The following ZNF521 variants were observed in gnomAD, a reference collection of about 807,000 sequenced individuals.
ZNF521 encodes LYST-interacting protein 3.
In ZNF521, 14 loss-of-function variants were observed where a neutral mutation model predicts 105.5. That is an observed-to-expected ratio of 0.13 (90% CI 0.09 to 0.21). The LOEUF is 0.21. Among genes scored for constraint, ZNF521 ranks in the 10% least tolerant of loss-of-function variants. The pLI is 1.00. For synonymous variants in ZNF521, 635 were observed against 606.0 expected (o/e 1.05, Z -0.70); for missense variants, 1,233 against 1,629.7 (o/e 0.76, Z 4.19).
At chr18:25,235,667 T>C (rs1906838699) in intron 3 of ZNF521, among the ~76,000 whole-genome samples, 1 of 152,238 alleles carries the variant, frequency 6.6e-6, no homozygotes, top group African/African-American at 2.4e-5. Flanking sequence ...ATAACAGTCC[T>C]GAAATGGTAT....
chr18:25,328,733 T>C, intron 2 of ZNF521, among the ~76,000 whole-genome samples: 1 of 152,032 alleles, frequency 6.6e-6, no homozygotes, highest in Non-Finnish European at 1.5e-5. Flanking sequence ...TTTGTATTTT[T>C]AGTAGAGACC....
At chr18:25,228,991 G>A (rs926516897) in intron 3 of ZNF521, among the ~76,000 whole-genome samples, 1 of 152,144 alleles carries the variant, frequency 6.6e-6, no homozygotes, top group Non-Finnish European at 1.5e-5. Flanking sequence ...AGCTGGTGGG[G>A]ATAGTGTTTC....
At chr18:25,072,700 C>T (rs1321047282) in intron 7 of ZNF521, among the ~76,000 whole-genome samples, 1 of 152,124 alleles carries the variant, frequency 6.6e-6, no homozygotes, top group Non-Finnish European at 1.5e-5. Flanking sequence ...AAAGCCAGCA[C>T]CAGTGAGAGG....
intron 5 of ZNF521, among the ~76,000 whole-genome samples, chr18:25,155,604 A>C (rs1288096392): frequency 1.3e-5 from 2 of 152,144 alleles, no homozygotes; most frequent in African/African-American, 4.8e-5. Flanking sequence ...TGTACAGTGT[A>C]AGATAAGGGC....
At chr18:25,118,060 C>T (rs184754866) in intron 5 of ZNF521, among the ~76,000 whole-genome samples, 1 of 152,134 alleles carries the variant, frequency 6.6e-6, no homozygotes, top group Non-Finnish European at 1.5e-5. Context: ...GCATATTACA[C>T]AGAGCAAAAC....
At chr18:25,349,158 CTTCAACTCGGAAAG>C (rs1568093178) in intron 2 of ZNF521, among the ~76,000 whole-genome samples, 1 of 152,144 alleles carries the variant, frequency 6.6e-6, no homozygotes, top group Non-Finnish European at 1.5e-5. Context: ...CGCTATCCTA[CTTCAACTCGGAAAG>C]TTCTTCTTTC....
At chr18:25,156,352 C>T (rs746352035) in intron 5 of ZNF521, among the ~76,000 whole-genome samples, 1 of 152,220 alleles carries the variant, frequency 6.6e-6, no homozygotes, top group Non-Finnish European at 1.5e-5. Flanking sequence ...AGTGCCTTTC[C>T]TCTAGGTACT....
At chr18:25,143,984 C>T (rs1372816057) in intron 5 of ZNF521, among the ~76,000 whole-genome samples, 1 of 152,152 alleles carries the variant, frequency 6.6e-6, no homozygotes, top group Non-Finnish European at 1.5e-5. Flanking sequence ...GTGCCATAGA[C>T]CTCTCTGTCT....
intron 5 of ZNF521, among the ~76,000 whole-genome samples, chr18:25,145,055 G>A (rs903782417): frequency 6.6e-6 from 1 of 152,046 alleles, no homozygotes; most frequent in African/African-American, 2.4e-5. Flanking sequence ...CTCCAAGATC[G>A]CACCCTTTCA....
intron 7 of ZNF521, among the ~76,000 whole-genome samples, chr18:25,075,966 T>C (rs912064096): frequency 6.6e-6 from 1 of 151,264 alleles, no homozygotes; most frequent in Admixed American, 6.6e-5. Flanking sequence ...CTCAAAATCA[T>C]TTTTTTTTGG....
chr18:25,116,972 T>C (rs4405626), intron 5 of ZNF521, among the ~76,000 whole-genome samples: 63,797 of 137,716 alleles, frequency 0.46, 14,846 homozygotes, highest in South Asian at 0.65. Flanking sequence ...TGTATATATA[T>C]GTATATATAT....
At chr18:25,166,028 T>C (rs2035334889) in intron 5 of ZNF521, among the ~76,000 whole-genome samples, 1 of 152,198 alleles carries the variant, frequency 6.6e-6, no homozygotes, top group African/African-American at 2.4e-5. Context: ...CAACCGCTTC[T>C]AGTCTCTCCT....
At chr18:25,320,180 CT>C (rs200959656) in intron 3 of ZNF521, among the ~76,000 whole-genome samples, 2 of 150,992 alleles carry the variant, frequency 1.3e-5, no homozygotes, top group East Asian at 1.9e-4. Flanking sequence ...GGTTAACTTT[CT>C]TTTTTTTTGA....
chr18:25,090,999 G>A lies in ZNF521; in HGVS notation c.3790+951C>T, dbSNP rs528200015. Among the ~76,000 whole-genome samples, 74 of 152,324 alleles carry A rather than the reference G, an allele frequency of 4.9e-4. 1 individual carries two copies. Among genetic ancestry groups the A allele is most frequent in the South Asian group, 2.1e-3 (10 of 4,828 alleles). ...AACTGTTGAAGGCAGAGCCATCAAC[G>A]TACTCAGTTAGTAATTGTGCTAGCT... On this transcript the variant is annotated intron_variant, in intron 6 of 7. Coordinates refer to ENST00000361524, the MANE Select transcript of ZNF521 (RefSeq NM_015461.3).
chr18:25,249,977 C>T (rs1275846529), intron 3 of ZNF521, among the ~76,000 whole-genome samples: 2 of 152,084 alleles, frequency 1.3e-5, no homozygotes, highest in African/African-American at 4.8e-5. Flanking sequence ...CTCGCTCTGT[C>T]GCCCTGGCTG....
chr18:25,234,226 C>T (rs1351724142), intron 3 of ZNF521, among the ~76,000 whole-genome samples: 1 of 152,198 alleles, frequency 6.6e-6, no homozygotes, highest in Non-Finnish European at 1.5e-5. Flanking sequence ...TATTACACAT[C>T]TGTTTACAGT....
rs1272519597 is a variant in ZNF521 at position 25,062,753 on chromosome 18, A to G, written c.3907-12T>C. 1 of 465,254 alleles carries G rather than the reference A, an allele frequency of 2.1e-6. No homozygotes were observed. Among genetic ancestry groups the G allele is most frequent in the Non-Finnish European group, 2.6e-6 (1 of 387,416 alleles). 28.8% of individuals were successfully genotyped at this position (465,254 alleles called of 1,614,324 possible). On this transcript the variant is annotated splice_polypyrimidine_tract_variant and intron_variant, in intron 7 of 7. Coordinates refer to ENST00000361524, the MANE Select transcript of ZNF521 (RefSeq NM_015461.3). ...GTCATTGTATGATTCTGTAAATAAC[A>G]AAAAAAAAAAAAAAAAAAAAAAAAA...
At chr18:25,138,698 C>A (rs2034783475) in intron 5 of ZNF521, among the ~76,000 whole-genome samples, 1 of 152,072 alleles carries the variant, frequency 6.6e-6, no homozygotes, top group Admixed American at 6.6e-5. Flanking sequence ...ATAATTTTGT[C>A]CTGGAAGAGC....
At chr18:25,120,613 AC>A (rs1292763010) in intron 5 of ZNF521, among the ~76,000 whole-genome samples, 3,087 of 147,000 alleles carry the variant, frequency 0.021, 114 homozygotes, top group African/African-American at 0.078. Flanking sequence ...CCACAAACAA[AC>A]AAACAAACAA....
Sources: gnomAD v4.1 joint callset for allele counts (sites outside exome capture counted in the v4.1 genomes callset) on GRCh38, gnomAD v4.1.1 for gene constraint, MANE v1.5 for transcripts, NCBI Gene and HGNC (gene_info 2026-07-23, HGNC 2026-07-21) for gene names.